Variants in CNTNAP2 observed in about 807,000 individuals in gnomAD.
CNTNAP2 encodes the protein contactin-associated protein-like 2.
CNTNAP2 carries 98 observed loss-of-function variants against 155.2 expected under a neutral mutation model. The observed-to-expected ratio is 0.63, with a 90% CI of 0.54 to 0.75. The LOEUF (loss-of-function observed/expected upper bound fraction) is 0.75. Among genes scored for constraint, CNTNAP2 ranks in the 30% least tolerant of loss-of-function variants. The pLI is 0.00. For missense variants in CNTNAP2, 1,727 were observed against 1,688.1 expected (o/e 1.02, Z -0.40); for synonymous variants, 651 against 631.2 (o/e 1.03, Z -0.47).
intron 13 of CNTNAP2, among the ~76,000 whole-genome samples, chr7:147,705,467 A>G (rs1796295655): frequency 6.6e-6 from 1 of 152,134 alleles, no homozygotes; most frequent in African/African-American, 2.4e-5. Context: ...CTGTTTCCTA[A>G]CATATGGTCT....
intron 17 of CNTNAP2, among the ~76,000 whole-genome samples, chr7:148,166,495 T>A (rs1345854294): frequency 1.3e-5 from 2 of 152,168 alleles, no homozygotes. Context: ...AGTGTTTTTT[T>A]TTTTATAATT....
intron 3 of CNTNAP2, among the ~76,000 whole-genome samples, chr7:146,888,718 G>C (rs1215446181): frequency 6.6e-6 from 1 of 151,908 alleles, no homozygotes; most frequent in Non-Finnish European, 1.5e-5. Context: ...TGATCTGGAG[G>C]ACATTATGTT....
chr7:146,773,150 G>A (rs143411721), intron 1 of CNTNAP2, among the ~76,000 whole-genome samples: 90 of 152,106 alleles, frequency 5.9e-4, no homozygotes, highest in Non-Finnish European at 1.1e-3. Context: ...GCACTTAGGC[G>A]TTGGCAAAAT....
chr7:147,267,640 G>T (rs1482011806), intron 8 of CNTNAP2, among the ~76,000 whole-genome samples: 2 of 151,502 alleles, frequency 1.3e-5, no homozygotes, highest in Admixed American at 6.6e-5. Context: ...AGATCAGTTT[G>T]CATCCCATCA....
chr7:147,476,244 T>C (rs999318069), intron 10 of CNTNAP2, among the ~76,000 whole-genome samples: 16 of 152,052 alleles, frequency 1.1e-4, no homozygotes, highest in Admixed American at 2.0e-4. Flanking sequence ...TAGCTGGGAC[T>C]ACAGGCGCCC....
rs61126131 is a variant in CNTNAP2 at position 146,685,676 on chromosome 7, ATTC to A, written c.98-88593_98-88591del. 1.1e-3 allele frequency among the ~76,000 whole-genome samples: 166 copies of A among 152,230 alleles called. 2 individuals are homozygous for A. Among genetic ancestry groups the A allele is most frequent in the African/African-American group, 3.7e-3 (154 of 41,552 alleles). On this transcript the variant is annotated intron_variant, in intron 1 of 23. Coordinates refer to ENST00000361727, the MANE Select transcript of CNTNAP2 (RefSeq NM_014141.6). ...AATAACAATGTGGAAAGGAGTAATT[ATTC>A]TGTCCTGAGGTGCAAAAGATGGTTT...
chr7:148,260,907 G>A (rs1464801077), intron 20 of CNTNAP2, among the ~76,000 whole-genome samples: 1 of 152,204 alleles, frequency 6.6e-6, no homozygotes, highest in Non-Finnish European at 1.5e-5. Context: ...ATGCAACAGG[G>A]TGAACAAAAA....
intron 3 of CNTNAP2, among the ~76,000 whole-genome samples, chr7:147,009,878 A>G (rs954522418): frequency 3.3e-5 from 5 of 152,196 alleles, no homozygotes; most frequent in Non-Finnish European, 7.4e-5. Context: ...ATTAATGTAT[A>G]TAGATGTATA....
chr7:146,517,320 A>G (rs1797555859), intron 1 of CNTNAP2, among the ~76,000 whole-genome samples: 3 of 151,986 alleles, frequency 2.0e-5, no homozygotes, highest in Admixed American at 2.0e-4. Flanking sequence ...TTAATCCACT[A>G]TTAGGTAATA....
intron 3 of CNTNAP2, among the ~76,000 whole-genome samples, chr7:147,016,791 A>G (rs368613857): frequency 1.3e-5 from 2 of 152,032 alleles, no homozygotes; most frequent in South Asian, 2.1e-4. Context: ...ATGGGGCTCA[A>G]AGTGAATGGG....
chr7:147,147,434 A>C (rs1801729140), intron 8 of CNTNAP2, among the ~76,000 whole-genome samples: 1 of 152,092 alleles, frequency 6.6e-6, no homozygotes, highest in South Asian at 2.1e-4. Flanking sequence ...TACACAAAAA[A>C]CCTCTATTAT....
At chr7:147,175,948 T>A (rs980585435) in intron 8 of CNTNAP2, among the ~76,000 whole-genome samples, 1 of 152,208 alleles carries the variant, frequency 6.6e-6, no homozygotes, top group African/African-American at 2.4e-5. Context: ...ACTGGACCAA[T>A]GATTGGTCAA....
intron 2 of CNTNAP2, among the ~76,000 whole-genome samples, chr7:146,785,589 T>C (rs1802562079): frequency 6.6e-6 from 1 of 152,254 alleles, no homozygotes. Context: ...GTACTTTTCT[T>C]GTTCCAAAAA....
rs191925283 is a variant in CNTNAP2 at position 146,962,546 on chromosome 7, G to T, written c.403-81361G>T. On this transcript the variant is annotated intron_variant, in intron 3 of 23. Transcript: ENST00000361727. ...TGAAATTAGTTAACATAGTTTTTTT[G>T]TTTGTTTGTTTGTTTGTTTTTTGAG... Among the ~76,000 whole-genome samples the T allele has an allele frequency of 2.6e-3, 398 of 152,028 alleles. 5 individuals are homozygous for T. Among genetic ancestry groups the T allele is most frequent in the African/African-American group, 8.6e-3 (356 of 41,500 alleles).
intron 9 of CNTNAP2, among the ~76,000 whole-genome samples, chr7:147,347,443 T>C (rs1317488794): frequency 1.2e-5 from 1 of 84,090 alleles, no homozygotes; most frequent in African/African-American, 5.4e-5. Context: ...TATATATGCA[T>C]ATATATATAT....
In CNTNAP2 at chr7:147,561,052, A is replaced by G. The variant is rs138283479; in HGVS notation, c.1778-1086A>G. On this transcript the variant is annotated intron_variant, in intron 11 of 23. Transcript: ENST00000361727. ...TTAGAGTAACTACTGAGGTTTGTGCATAGCCAGGCTGGAAATCCAGAGAGG... is the reference window on the plus strand; with the variant it reads ...TTAGAGTAACTACTGAGGTTTGTGCGTAGCCAGGCTGGAAATCCAGAGAGG... Among the ~76,000 whole-genome samples, 575 of 152,180 alleles carry G rather than the reference A, an allele frequency of 3.8e-3. 3 individuals are homozygous for G. Among genetic ancestry groups the G allele is most frequent in the African/African-American group, 0.013 (536 of 41,512 alleles).
rs546778567 is a variant in CNTNAP2 at position 147,495,070 on chromosome 7, A to G, written c.1777+9029A>G. Reference sequence around the variant, plus strand: ...ATTTTCCTTATGAAGTAGACAAGGTAGTTTTAAAGGAAAGCAGGATAAGTA... The same window carrying G: ...ATTTTCCTTATGAAGTAGACAAGGTGGTTTTAAAGGAAAGCAGGATAAGTA... On this transcript the variant is annotated intron_variant, in intron 11 of 23. Transcript: ENST00000361727. 1.4e-4 allele frequency among the ~76,000 whole-genome samples: 21 copies of G among 152,340 alleles called. No individual in the cohort carries two copies. The South Asian group carries it at 3.1e-3, about 23-fold the overall frequency.
chr7:147,617,567 G>A (rs1584857974), intron 12 of CNTNAP2, among the ~76,000 whole-genome samples: 1 of 152,100 alleles, frequency 6.6e-6, no homozygotes, highest in African/African-American at 2.4e-5. Flanking sequence ...CACCCAAAAT[G>A]AGTGCCGTGC....
chr7:147,979,824 T>C (rs1293279303), intron 15 of CNTNAP2, among the ~76,000 whole-genome samples: 1 of 152,108 alleles, frequency 6.6e-6, no homozygotes, highest in African/African-American at 2.4e-5. Flanking sequence ...GGTTTCACCA[T>C]GTTGGACAGA....
Sources: gnomAD v4.1 joint callset for allele counts (sites outside exome capture counted in the v4.1 genomes callset) on GRCh38, gnomAD v4.1.1 for gene constraint, MANE v1.5 for transcripts, NCBI Gene and HGNC (gene_info 2026-07-23, HGNC 2026-07-21) for gene names.